The following TTC3 variants were observed in gnomAD, a reference collection of about 807,000 sequenced individuals.
TTC3 encodes tetratricopeptide repeat domain 3.
In TTC3, 180 loss-of-function variants were observed where a neutral mutation model predicts 249.6. The observed-to-expected ratio is 0.72, with a 90% CI of 0.64 to 0.82. The LOEUF (loss-of-function observed/expected upper bound fraction) is 0.82, where lower values mean the gene tolerates loss of function less well. TTC3 is among the 40% of genes least tolerant of loss of function. The pLI is 0.00. For synonymous variants in TTC3, 717 were observed against 805.0 expected (o/e 0.89, Z 1.85); for missense variants, 2,061 against 2,398.4 (o/e 0.86, Z 2.94).
chr21:37,183,013 G>A, intron 36 of TTC3, 100 bp downstream of exon 36: 2 of 1,057,478 alleles, frequency 1.9e-6, no homozygotes, highest in South Asian at 2.0e-5. Flanking sequence ...ACTACATCAA[G>A]TAAAGTAAAA....
At chr21:37,164,874 C>G (rs955310682) in intron 32 of TTC3, among the ~76,000 whole-genome samples, 1 of 149,838 alleles carries the variant, frequency 6.7e-6, no homozygotes, top group African/African-American at 2.4e-5. Flanking sequence ...CAACTCTTCT[C>G]CTGGAAGTCC....
chr21:37,200,366 C>A, intron 45 of TTC3, 42 bp downstream of exon 45: 4 of 1,552,784 alleles, frequency 2.6e-6, no homozygotes, highest in East Asian at 2.2e-5. Flanking sequence ...TGCATTGGGA[C>A]CTTCAAATAT....
chr21:37,104,716 C>G (rs530019863), intron 10 of TTC3, among the ~76,000 whole-genome samples: 3 of 152,096 alleles, frequency 2.0e-5, no homozygotes, highest in East Asian at 3.9e-4. Context: ...TTTGGAATAG[C>G]CAGCCTCCAT....
chr21:37,141,568 G>A (rs1452910717), intron 20 of TTC3, among the ~76,000 whole-genome samples: 1 of 152,114 alleles, frequency 6.6e-6, no homozygotes, highest in African/African-American at 2.4e-5. Context: ...AGGAGTTTGA[G>A]ACCAGCCTGA....
chr21:37,135,491 G>A (rs757988733), exon 18 of TTC3: 21 of 1,612,990 alleles, frequency 1.3e-5, no homozygotes, highest in South Asian at 9.9e-5. Context: ...GTTGCTGAAC[G>A]GTTTAGATCC....
At chr21:37,166,178 C>G (rs1407295962) in exon 33 of TTC3, 2 of 1,614,020 alleles carry the variant, frequency 1.2e-6, no homozygotes, top group African/African-American at 2.7e-5. Flanking sequence ...TACGTATCTT[C>G]CTTTCCAGAG....
At chr21:37,163,223 A>G (rs1461515267) in intron 31 of TTC3, among the ~76,000 whole-genome samples, 1 of 152,256 alleles carries the variant, frequency 6.6e-6, no homozygotes, top group Admixed American at 6.5e-5. Flanking sequence ...TCTGAGGCAC[A>G]GTGCAGAGCG....
intron 37 of TTC3, among the ~76,000 whole-genome samples, chr21:37,186,405 G>T (rs2083283633): frequency 6.6e-6 from 1 of 152,132 alleles, no homozygotes; most frequent in African/African-American, 2.4e-5. Context: ...TGGCTCAAAG[G>T]ATAGGGAATG....
chr21:37,118,870 A>G (rs2076367832), intron 11 of TTC3, among the ~76,000 whole-genome samples: 1 of 152,138 alleles, frequency 6.6e-6, no homozygotes, highest in Admixed American at 6.6e-5. Flanking sequence ...CTTAAATGCT[A>G]TAGTTTTCAT....
chr21:37,189,945 T>C (rs532428505), intron 39 of TTC3, among the ~76,000 whole-genome samples: 1 of 152,086 alleles, frequency 6.6e-6, no homozygotes, highest in Admixed American at 6.5e-5. Flanking sequence ...TACTTAGCAC[T>C]TCTCTATGTG....
At position 37,165,601 on chromosome 21, in the gene TTC3, G is replaced by A. The variant is rs767926744; in HGVS notation, c.3387G>A (p.Lys1129=). 5 of 1,613,626 alleles carry A rather than the reference G, an allele frequency of 3.1e-6. No individual in the cohort carries two copies. In the Admixed American group the frequency reaches 8.3e-5, roughly 27 times the overall value. The change falls in exon 33 of 46, where the codon AAG becomes AAA. Residue 1129 remains lysine, a synonymous_variant. Coordinates refer to ENST00000355666, the Ensembl canonical transcript of TTC3. ...ATGGTCCCTTGGACATGAGTAACAA[G>A]ATGTTCTCTGCAGAATATGAGTTTT...
At chr21:37,128,243 T>G (rs1333206579) in intron 15 of TTC3, among the ~76,000 whole-genome samples, 2 of 152,194 alleles carry the variant, frequency 1.3e-5, no homozygotes, top group Non-Finnish European at 2.9e-5. Flanking sequence ...CTGCTCCTCC[T>G]GCCATACCAG....
At chr21:37,128,294 A>G (rs2077193095) in intron 15 of TTC3, among the ~76,000 whole-genome samples, 1 of 152,178 alleles carries the variant, frequency 6.6e-6, no homozygotes, top group South Asian at 2.1e-4. Context: ...CCTGCCCAAA[A>G]ATATGCAGTG....
At chr21:37,116,422 A>G (rs186805360) in intron 11 of TTC3, among the ~76,000 whole-genome samples, 1 of 152,326 alleles carries the variant, frequency 6.6e-6, no homozygotes, top group Admixed American at 6.5e-5. Context: ...TAAAAATCAG[A>G]AGCAAATATA....
intron 27 of TTC3, among the ~76,000 whole-genome samples, chr21:37,154,585 T>G (rs2079812226): frequency 6.6e-6 from 1 of 152,232 alleles, no homozygotes. Context: ...TGCTACACGG[T>G]CAAGACTGCC....
intron 11 of TTC3, among the ~76,000 whole-genome samples, chr21:37,114,984 AG>A: frequency 6.6e-6 from 1 of 152,100 alleles, no homozygotes; most frequent in South Asian, 2.1e-4. Context: ...TTGAACAATG[AG>A]AGCACATGGA....
chr21:37,111,516 G>A (rs2075660244), intron 11 of TTC3, among the ~76,000 whole-genome samples: 2 of 152,120 alleles, frequency 1.3e-5, no homozygotes, highest in South Asian at 4.1e-4. Flanking sequence ...AAATATATAT[G>A]CACCCAATAC....
intron 31 of TTC3, among the ~76,000 whole-genome samples, chr21:37,163,814 G>A (rs888437520): frequency 5.3e-5 from 8 of 152,132 alleles, no homozygotes; most frequent in African/African-American, 2.4e-5. Flanking sequence ...GCTCTTTGGA[G>A]CAAGACTAAA....
At chr21:37,134,602 G>A (rs2077762606) in intron 17 of TTC3, among the ~76,000 whole-genome samples, 1 of 152,150 alleles carries the variant, frequency 6.6e-6, no homozygotes, top group Non-Finnish European at 1.5e-5. Flanking sequence ...CCTTTGAATG[G>A]CGCACACGTG....
Sources: allele counts gnomAD v4.1 joint callset (sites outside exome capture counted in the v4.1 genomes callset), GRCh38; gene constraint gnomAD v4.1.1; transcripts MANE v1.5; gene names NCBI Gene and HGNC (gene_info 2026-07-23, HGNC 2026-07-21).